The following OFD1 variants were observed in gnomAD, a reference collection of about 807,000 sequenced individuals.
The protein encoded by OFD1 is centriole and centriolar satellite protein OFD1.
OFD1 carries 12 observed loss-of-function variants against 81.4 expected under a neutral mutation model. The ratio of observed to expected loss-of-function variants is 0.15; its 90% CI spans 0.09 to 0.24. OFD1 has a LOEUF of 0.24. Ranked by LOEUF, OFD1 falls within the 10% of genes least tolerant of loss-of-function variation. The probability of loss-of-function intolerance (pLI) is 1.00; values close to 1 mark genes in which losing one functional copy is unlikely to be tolerated. For missense variants in OFD1, 685 were observed against 733.9 expected, an observed-to-expected ratio of 0.93 and a Z score of 0.77; for synonymous variants, 256 against 263.7, an observed-to-expected ratio of 0.97 and a Z score of 0.28.
chrX:13,746,490 T>C, intron 7 of OFD1, 35 bp downstream of exon 7: 1 of 1,188,383 alleles, frequency 8.4e-7, no homozygotes, highest in Non-Finnish European at 1.1e-6. Context: ...ACAAGAGTGA[T>C]GTTTTTGTTT....
the OFD1 span, among the ~76,000 whole-genome samples, chrX:13,717,279 G>A: frequency 9.0e-6 from 1 of 111,231 alleles, no homozygotes; most frequent in Non-Finnish European, 1.9e-5. Context: ...AGCCCCAGCT[G>A]TGAGCAGTCG....
At chrX:13,722,984 A>C in the OFD1 span, among the ~76,000 whole-genome samples, 1 of 109,434 alleles carries the variant, frequency 9.1e-6, no homozygotes, top group Non-Finnish European at 1.9e-5. Context: ...AATGGTGTGA[A>C]CCTGGGAGGC....
At chrX:13,739,885 C>A in intron 5 of OFD1, 1 of 753,793 alleles carries the variant, frequency 1.3e-6, no homozygotes, top group South Asian at 6.7e-5. Context: ...GTAGCATGAA[C>A]ATAAGCTGGC....
intron 5 of OFD1, among the ~76,000 whole-genome samples, 167 bp from the exon 6 acceptor site, chrX:13,744,248 A>G (rs1232127408): frequency 9.0e-6 from 1 of 111,627 alleles, no homozygotes; most frequent in African/African-American, 3.3e-5. Context: ...AGCCATGATT[A>G]CACCACTGCA....
intron 1 of OFD1, 53 bp from the exon 2 acceptor site, chrX:13,735,195 A>T: frequency 8.4e-7 from 1 of 1,192,345 alleles, no homozygotes. Flanking sequence ...CTGTTTTCAG[A>T]CGTTCACGTT....
At chrX:13,732,980 C>T (rs1332387933), upstream of OFD1, among the ~76,000 whole-genome samples, 1 of 112,274 alleles carries the variant, frequency 8.9e-6, no homozygotes, top group Non-Finnish European at 1.9e-5. Flanking sequence ...AGTAGGAATA[C>T]TACTGATAGG....
At chrX:13,747,352 T>C (rs1569124159) in intron 8 of OFD1, among the ~76,000 whole-genome samples, 2 of 110,977 alleles carry the variant, frequency 1.8e-5, no homozygotes, top group African/African-American at 6.6e-5. Context: ...TCAGCTGTGG[T>C]TGGGGGAGCC....
intron 10 of OFD1, chrX:13,753,128 A>G (rs1454076138): frequency 6.9e-6 from 7 of 1,009,079 alleles, no homozygotes; most frequent in Non-Finnish European, 8.8e-6. Context: ...TGATAACACG[A>G]CGCTTCATTT....
chrX:13,717,911 G>A, the OFD1 span, among the ~76,000 whole-genome samples: 610 of 111,770 alleles, frequency 5.5e-3, 4 homozygotes, highest in African/African-American at 0.019. Flanking sequence ...GAGTAGGGTG[G>A]GCCCCTAATC....
intron 13 of OFD1, among the ~76,000 whole-genome samples, chrX:13,757,189 C>T: frequency 8.9e-6 from 1 of 112,350 alleles, no homozygotes. Context: ...ACTCCACCAT[C>T]CTTTGTGCAT....
the OFD1 span, among the ~76,000 whole-genome samples, chrX:13,717,631 C>T: frequency 3.6e-5 from 4 of 109,930 alleles, no homozygotes; most frequent in African/African-American, 1.0e-4. Context: ...CCCAGCTACT[C>T]GGGAGGCTGA....
chrX:13,773,083 C>T, downstream of OFD1: 6 of 1,101,088 alleles, frequency 5.4e-6, no homozygotes, highest in South Asian at 1.9e-5. Flanking sequence ...GAAGGCAAAG[C>T]GAGGCGCTAG....
chrX:13,752,796 G>A (rs1422260318), intron 10 of OFD1: 4 of 970,432 alleles, frequency 4.1e-6, no homozygotes, highest in Non-Finnish European at 5.3e-6. Flanking sequence ...CCACAGGAGT[G>A]CTTCTATTTC....
Position 13,769,216 on chromosome X carries a change from G to A in OFD1, c.*108G>A. The A allele has an allele frequency of 3.1e-6, 2 of 636,644 alleles. No homozygotes were observed. Among genetic ancestry groups the A allele is most frequent in the Admixed American group, 2.6e-5 (1 of 37,790 alleles). The allele number at this position is 636,644 out of a possible 1,213,427, so 52.5% of individuals were successfully genotyped here. ...CAGACAAAACTCAATAAAAATGTGT[G>A]TAATCCAATGTGGGTTTTTTTTTCC... is the stretch of plus-strand genomic sequence containing the variant. On this transcript the variant is annotated 3_prime_UTR_variant, in exon 23 of 23. Coordinates refer to ENST00000340096, the MANE Select transcript of OFD1 (RefSeq NM_003611.3).
At chrX:13,720,078 C>G in the OFD1 span, 1 of 630,641 alleles carries the variant, frequency 1.6e-6, no homozygotes, top group Non-Finnish European at 2.3e-6. Flanking sequence ...AAATTTAAAC[C>G]TGACATTGTA....
At chrX:13,758,694 C>T (rs1424545491) in intron 15 of OFD1, among the ~76,000 whole-genome samples, 2 of 111,217 alleles carry the variant, frequency 1.8e-5, no homozygotes, top group African/African-American at 3.3e-5. Flanking sequence ...ATAGGAAAGG[C>T]GTGGTGGTAA....
At chrX:13,736,749 G>A in intron 3 of OFD1, 71 bp downstream of exon 3, 2 of 808,047 alleles carry the variant, frequency 2.5e-6, no homozygotes, top group Admixed American at 4.6e-5. Context: ...GTAAAGTGCT[G>A]TATGATAGCT....
At chrX:13,753,531 A>C in intron 11 of OFD1, 90 bp downstream of exon 11, 1 of 861,254 alleles carries the variant, frequency 1.2e-6, no homozygotes, top group Non-Finnish European at 1.7e-6. Context: ...ATTCTAAAAA[A>C]TACAGCTTAC....
At chrX:13,717,192 C>T in the OFD1 span, among the ~76,000 whole-genome samples, 1 of 110,946 alleles carries the variant, frequency 9.0e-6, no homozygotes, top group Non-Finnish European at 1.9e-5. Flanking sequence ...GCGCTTATAA[C>T]GGCCTGCCAG....
Sources: allele counts gnomAD v4.1 joint callset (sites outside exome capture counted in the v4.1 genomes callset), GRCh38; gene constraint gnomAD v4.1.1; transcripts MANE v1.5; gene names NCBI Gene and HGNC (gene_info 2026-07-23, HGNC 2026-07-21).